The following KCNMA1 variants were observed in gnomAD, a reference collection of about 807,000 sequenced individuals.
The protein encoded by KCNMA1 is Calcium-activated potassium channel subunit alpha-1.
KCNMA1 carries 29 observed loss-of-function variants against 140.0 expected under a neutral mutation model. That is an observed-to-expected ratio of 0.21 (90% CI 0.15 to 0.28). The LOEUF (loss-of-function observed/expected upper bound fraction) is 0.28. Among genes scored for constraint, KCNMA1 ranks in the 10% least tolerant of loss-of-function variants. The pLI, the probability that KCNMA1 is intolerant of heterozygous loss-of-function variation, is 1.00. For synonymous variants in KCNMA1, 612 were observed against 611.9 expected, an observed-to-expected ratio of 1.00 and a Z score of 0.00; for missense variants, 880 against 1,602.2, an observed-to-expected ratio of 0.55 and a Z score of 7.70.
chr10:77,385,362 T>C (rs1313150164), intron 2 of KCNMA1, among the ~76,000 whole-genome samples: 1 of 152,238 alleles, frequency 6.6e-6, no homozygotes, highest in Non-Finnish European at 1.5e-5. Context: ...GTTTACTATG[T>C]TTTATTAACA....
chr10:77,288,902 CA>C (rs2072080024), intron 2 of KCNMA1, among the ~76,000 whole-genome samples: 1 of 152,180 alleles, frequency 6.6e-6, no homozygotes, highest in South Asian at 2.1e-4. Flanking sequence ...ACACCATCCA[CA>C]AGGCCAGGCA....
chr10:77,603,983 C>A (rs1387843038), intron 1 of KCNMA1, among the ~76,000 whole-genome samples: 1 of 152,188 alleles, frequency 6.6e-6, no homozygotes, highest in Non-Finnish European at 1.5e-5. Flanking sequence ...CACAACGGTG[C>A]CTGACACATA....
At chr10:77,160,673 A>C (rs1403676183) in intron 5 of KCNMA1, among the ~76,000 whole-genome samples, 1 of 152,236 alleles carries the variant, frequency 6.6e-6, no homozygotes, top group Non-Finnish European at 1.5e-5. Flanking sequence ...TTCAGAGATA[A>C]CAATAACATC....
chr10:77,316,093 C>T (rs551365702), intron 2 of KCNMA1, among the ~76,000 whole-genome samples: 54 of 152,344 alleles, frequency 3.5e-4, no homozygotes, highest in South Asian at 3.5e-3. Flanking sequence ...GTCTTGAATA[C>T]TGTGTCCCTT....
chr10:76,967,092 G>A (rs1334500074), intron 20 of KCNMA1, among the ~76,000 whole-genome samples: 2 of 152,162 alleles, frequency 1.3e-5, no homozygotes, highest in Non-Finnish European at 2.9e-5. Flanking sequence ...TCACGCAGGA[G>A]TCTGTTTTAT....
At position 76,914,022 on chromosome 10, in the gene KCNMA1, G is replaced by C. The variant is rs900172359; in HGVS notation, c.3016+914C>G. On this transcript the variant is annotated intron_variant, in intron 24 of 27. Coordinates refer to ENST00000286628, the MANE Select transcript of KCNMA1 (RefSeq NM_001161352.2). Reference sequence around the variant, plus strand: ...GGAAACACCAACAACAGAACAAAAGGAGATACTGATGTGAAGGAAAACAGT... The same window carrying C: ...GGAAACACCAACAACAGAACAAAAGCAGATACTGATGTGAAGGAAAACAGT... 6 of 1,438,598 alleles carry C rather than the reference G, an allele frequency of 4.2e-6. No homozygotes were observed. In the East Asian group the frequency reaches 1.5e-4, roughly 36 times the overall value. The allele number at this position is 1,438,598 out of a possible 1,614,324, so 89.1% of individuals were successfully genotyped here.
At chr10:77,214,405 C>T (rs545458402) in intron 3 of KCNMA1, among the ~76,000 whole-genome samples, 3 of 152,224 alleles carry the variant, frequency 2.0e-5, no homozygotes, top group Non-Finnish European at 2.9e-5. Flanking sequence ...CACTTACAGG[C>T]GCCCAGCACA....
At chr10:77,550,827 T>A (rs937119067) in intron 1 of KCNMA1, among the ~76,000 whole-genome samples, 6 of 152,284 alleles carry the variant, frequency 3.9e-5, no homozygotes, top group Admixed American at 3.9e-4. Flanking sequence ...GGGGCTATTT[T>A]TATACATTTC....
Position 77,116,178 on chromosome 10 carries a change from C to T in KCNMA1, c.885-3736G>A, listed in dbSNP as rs747070923. Among the ~76,000 whole-genome samples, 3 of 152,222 alleles carry T rather than the reference C, an allele frequency of 2.0e-5. 1 individual carries two copies. The South Asian group carries it at 6.2e-4, about 31-fold the overall frequency. ...AGGGAGATTATGATCTTATCATCAA[C>T]ACCTGATCCAACTAAAGTCAATCAT... On this transcript the variant is annotated intron_variant, in intron 6 of 27. Transcript: ENST00000286628.
intron 19 of KCNMA1, 86 bp from the exon 20 acceptor site, chr10:76,970,153 A>C: frequency 9.8e-7 from 1 of 1,019,284 alleles, no homozygotes; most frequent in Non-Finnish European, 1.5e-6. Flanking sequence ...ACACACACTC[A>C]AGGCTCAGTC....
intron 2 of KCNMA1, among the ~76,000 whole-genome samples, chr10:77,398,553 T>G (rs1202712073): frequency 6.6e-6 from 1 of 152,256 alleles, no homozygotes; most frequent in Non-Finnish European, 1.5e-5. Context: ...ATTTGGTGAT[T>G]TTTGTTGTTG....
intron 14 of KCNMA1, among the ~76,000 whole-genome samples, chr10:77,061,328 T>G (rs963916841): frequency 1.3e-5 from 2 of 151,824 alleles, no homozygotes; most frequent in Admixed American, 1.3e-4. Context: ...AAAAAACAAA[T>G]TCAAAGAAAC....
chr10:77,485,567 A>C (rs2154535795), intron 1 of KCNMA1, among the ~76,000 whole-genome samples: 2 of 152,348 alleles, frequency 1.3e-5, no homozygotes, highest in Middle Eastern at 6.8e-3. Flanking sequence ...GTAAGTAAGG[A>C]TGGCTCAGCC....
chr10:76,936,234 T>C (rs1054737850), intron 23 of KCNMA1, among the ~76,000 whole-genome samples: 1 of 152,224 alleles, frequency 6.6e-6, no homozygotes, highest in Non-Finnish European at 1.5e-5. Context: ...ACTTGAGATC[T>C]GCTCAGAGCC....
intron 3 of KCNMA1, among the ~76,000 whole-genome samples, chr10:77,243,571 G>A (rs74899923): frequency 0.024 from 3,659 of 152,304 alleles, 68 homozygotes; most frequent in Middle Eastern, 0.034. Flanking sequence ...GGAGAGTGGC[G>A]AGAAGGGAAG....
At chr10:77,435,508 A>G (rs2097243229) in intron 1 of KCNMA1, among the ~76,000 whole-genome samples, 1 of 152,176 alleles carries the variant, frequency 6.6e-6, no homozygotes. Flanking sequence ...TCTCCCTGAG[A>G]TAACTAGAAA....
intron 14 of KCNMA1, among the ~76,000 whole-genome samples, chr10:77,070,960 A>G (rs80336150): frequency 6.6e-6 from 1 of 152,336 alleles, no homozygotes; most frequent in Non-Finnish European, 1.5e-5. Flanking sequence ...CTCAGTGTCA[A>G]AAGGTCATAT....
rs550131380 is a variant in KCNMA1 at position 77,576,480 on chromosome 10, C to A, written c.378+60785G>T. ...CAGGGATCTTGGAAGCAGGCGGACT[C>A]TCGGCCTCTCCCAGCACTTGATGGG... On this transcript the variant is annotated intron_variant, in intron 1 of 27. Transcript: ENST00000286628. 6.6e-5 allele frequency among the ~76,000 whole-genome samples: 10 copies of A among 152,284 alleles called. No individual in the cohort carries two copies. In the South Asian group the frequency reaches 1.9e-3, roughly 28 times the overall value.
intron 1 of KCNMA1, among the ~76,000 whole-genome samples, chr10:77,577,899 G>T (rs1317587112): frequency 6.6e-5 from 10 of 152,186 alleles, no homozygotes; most frequent in Non-Finnish European, 1.5e-4. Flanking sequence ...CAGTCCAGTG[G>T]CCAAATCCTC....
Sources: gnomAD v4.1 joint callset for allele counts (sites outside exome capture counted in the v4.1 genomes callset) on GRCh38, gnomAD v4.1.1 for gene constraint, MANE v1.5 for transcripts, NCBI Gene and HGNC (gene_info 2026-07-23, HGNC 2026-07-21) for gene names.